EPS15: variants seen among roughly 807,000 people sequenced by gnomAD.
EPS15 encodes the protein epidermal growth factor receptor substrate 15.
Under a neutral mutation model 113.8 loss-of-function variants are expected in EPS15, and 72 were observed. That is an observed-to-expected ratio of 0.63 (90% CI 0.52 to 0.77). The LOEUF (loss-of-function observed/expected upper bound fraction) is 0.77. Among genes scored for constraint, EPS15 ranks in the 30% least tolerant of loss-of-function variants. The probability of loss-of-function intolerance (pLI) is 0.00; values close to 1 mark genes in which losing one functional copy is unlikely to be tolerated. For missense variants in EPS15, 1,048 were observed against 1,045.8 expected, an observed-to-expected ratio of 1.00 and a Z score of -0.03; for synonymous variants, 344 against 363.4, an observed-to-expected ratio of 0.95 and a Z score of 0.61.
rs373519784 is a variant in EPS15, at chr1:51,439,414, T to C, written c.1040+933A>G. The stretch of plus-strand genomic sequence containing the variant: ...AGGCAGTTAACTCATTTAATCTCCT[T>C]ATATCTCAATACTGTCAGTAAAATA... On this transcript the variant is annotated intron_variant, in intron 12 of 24. Transcript: ENST00000371733. 3.9e-5 allele frequency among the ~76,000 whole-genome samples: 6 copies of C among 152,190 alleles called. No homozygotes were observed. In the East Asian group the frequency reaches 1.2e-3, roughly 29 times the overall value.
Position 51,361,885 on chromosome 1 carries a change from T to C in EPS15, c.2360-530A>G, listed in dbSNP as rs564467330. Reference sequence around the variant, plus strand: ...AAATTTTTAAATTACCGTAGTAAAATGCTGCCAATTTTTTGTTATTTACTG... The same window carrying C: ...AAATTTTTAAATTACCGTAGTAAAACGCTGCCAATTTTTTGTTATTTACTG... On this transcript the variant is annotated intron_variant, in intron 23 of 24. Transcript: ENST00000371733. Among the ~76,000 whole-genome samples the C allele has an allele frequency of 1.6e-4, 24 of 152,346 alleles. 1 individual carries two copies. The South Asian group carries it at 4.3e-3, about 28-fold the overall frequency.
Position 51,355,713 on chromosome 1 carries a change from T to TA in EPS15, c.*986dup, listed in dbSNP as rs35602175. 15,798 of 165,332 alleles carry TA rather than the reference T, an allele frequency of 0.096. 1,190 individuals carry two copies. The highest frequency in any genetic ancestry group is 0.25 in the African/African-American group (10,034 of 40,140). The allele number at this position is 165,332 out of a possible 1,614,324, so 10.2% of individuals were successfully genotyped here. ...ACATTTCAAGTAAATGAGCCTTCAT[T>TA]AAAAAAAAAAAAACAAATATATATG... On this transcript the variant is annotated 3_prime_UTR_variant, in exon 25 of 25. Coordinates refer to ENST00000371733, the MANE Select transcript of EPS15 (RefSeq NM_001981.3).
chr1:51,481,123 T>C (rs1433223521), intron 2 of EPS15, 150 bp downstream of exon 2: 3 of 639,556 alleles, frequency 4.7e-6, no homozygotes, highest in Non-Finnish European at 8.4e-6. Context: ...GTCAAATGCA[T>C]TAAGTACTCA....
At chr1:51,490,207 G>C (rs1008296453) in intron 1 of EPS15, 3 of 399,058 alleles carry the variant, frequency 7.5e-6, no homozygotes, top group African/African-American at 6.4e-5. Context: ...GAGAGTACAA[G>C]ATTCTCTAAC....
At chr1:51,434,399 CAGAAGAACCCTG>C (rs1651971107) in intron 12 of EPS15, among the ~76,000 whole-genome samples, 1 of 152,174 alleles carries the variant, frequency 6.6e-6, no homozygotes, top group Admixed American at 6.5e-5. Flanking sequence ...TGCCACAACA[CAGAAGAACCCTG>C]AGGATATTAT....
At position 51,422,127 on chromosome 1, in the gene EPS15, A is replaced by G. The variant is rs545520866; in HGVS notation, c.1041-269T>C. 95 of 968,514 alleles carry G rather than the reference A, an allele frequency of 9.8e-5. No homozygotes were observed. The Middle Eastern group carries it at 1.3e-3, about 13-fold the overall frequency. The allele number at this position is 968,514 out of a possible 1,614,324, so 60.0% of individuals were successfully genotyped here. A position where few individuals can be genotyped will look rare whatever the true frequency, so the allele number is the denominator to read the frequency against. On this transcript the variant is annotated intron_variant, in intron 12 of 24. Coordinates refer to ENST00000371733, the MANE Select transcript of EPS15 (RefSeq NM_001981.3). ...GGAAGAGGAGAAAAATAATCAATGA[A>G]ACACTCAGGTTTCACTGATGTCACT...
chr1:51,380,823 T>C lies in EPS15; in HGVS notation c.2119+13558A>G, dbSNP rs761394176. Among the ~76,000 whole-genome samples the C allele has an allele frequency of 1.2e-4, 18 of 152,062 alleles. No homozygotes were observed. The East Asian group carries it at 1.7e-3, about 15-fold the overall frequency. The stretch of plus-strand genomic sequence containing the variant: ...TTCACTTTAGATCTAAGGACACACA[T>C]AGTTTGAAAGGGAAAAGATGAAAAA... On this transcript the variant is annotated intron_variant, in intron 21 of 24. Coordinates refer to ENST00000371733, the MANE Select transcript of EPS15 (RefSeq NM_001981.3).
intron 21 of EPS15, among the ~76,000 whole-genome samples, chr1:51,387,461 A>G (rs1323044106): frequency 6.6e-6 from 1 of 152,174 alleles, no homozygotes; most frequent in Non-Finnish European, 1.5e-5. Context: ...TCAAATTCAC[A>G]CATAACAATA....
intron 12 of EPS15, among the ~76,000 whole-genome samples, chr1:51,430,523 G>A (rs993429122): frequency 1.3e-5 from 2 of 150,026 alleles, no homozygotes; most frequent in South Asian, 2.1e-4. Flanking sequence ...AGCCAAGATC[G>A]TGTCACTGCA....
chr1:51,403,384 C>T, intron 17 of EPS15, 35 bp downstream of exon 17: 1 of 1,178,236 alleles, frequency 8.5e-7, no homozygotes, highest in East Asian at 2.3e-5. Context: ...TCCACCCTTA[C>T]AAGTCCCCAA....
chr1:51,441,185 C>T (rs989938113), intron 11 of EPS15, among the ~76,000 whole-genome samples: 5 of 152,056 alleles, frequency 3.3e-5, no homozygotes, highest in Admixed American at 1.3e-4. Flanking sequence ...GCCCACTTTA[C>T]AAGTTAAATG....
At chr1:51,410,827 TATG>T (rs1649642985) in intron 13 of EPS15, among the ~76,000 whole-genome samples, 5 of 152,214 alleles carry the variant, frequency 3.3e-5, no homozygotes. Context: ...ATAGCACCAT[TATG>T]ATAATAGCCA....
intron 21 of EPS15, among the ~76,000 whole-genome samples, chr1:51,387,639 T>C (rs1296554945): frequency 2.0e-5 from 3 of 151,498 alleles, no homozygotes; most frequent in Non-Finnish European, 2.9e-5. Flanking sequence ...ACCAAGCAAA[T>C]GGAAAACAAA....
intron 12 of EPS15, among the ~76,000 whole-genome samples, chr1:51,426,770 C>T (rs1029976271): frequency 2.6e-5 from 4 of 151,468 alleles, no homozygotes; most frequent in African/African-American, 4.9e-5. Context: ...CTAGAGATGT[C>T]GGACTTGCCA....
At chr1:51,410,635 G>A (rs752153512) in intron 13 of EPS15, among the ~76,000 whole-genome samples, 5 of 152,154 alleles carry the variant, frequency 3.3e-5, no homozygotes, top group Admixed American at 6.5e-5. Context: ...TAATAACTCC[G>A]AAGTATCTGT....
chr1:51,412,142 G>C (rs933461531), intron 13 of EPS15, among the ~76,000 whole-genome samples: 3 of 152,170 alleles, frequency 2.0e-5, no homozygotes, highest in African/African-American at 7.2e-5. Flanking sequence ...TCACTCATAA[G>C]TGGGAGCTGA....
chr1:51,398,360 T>G (rs1648179041), intron 20 of EPS15, among the ~76,000 whole-genome samples: 1 of 152,158 alleles, frequency 6.6e-6, no homozygotes, highest in Admixed American at 6.5e-5. Context: ...GCCATGAAGA[T>G]TTTTTTAAAG....
Position 51,452,455 on chromosome 1 carries a change from TTA to T in EPS15, c.562-4322_562-4321del, listed in dbSNP as rs1653653672. Among the ~76,000 whole-genome samples the T allele has an allele frequency of 3.3e-5, 5 of 152,176 alleles. No individual in the cohort carries two copies. In the South Asian group the frequency reaches 1.0e-3, roughly 32 times the overall value. On this transcript the variant is annotated intron_variant, in intron 8 of 24. Coordinates refer to ENST00000371733, the MANE Select transcript of EPS15 (RefSeq NM_001981.3). Reference sequence around the variant, plus strand: ...ACGTCACCATGCCTGGCTAATTTTTTTATGTTTTGCAGAGATGGGGGTCTCAC... The same window carrying T: ...ACGTCACCATGCCTGGCTAATTTTTTTGTTTTGCAGAGATGGGGGTCTCAC...
intron 9 of EPS15, 114 bp downstream of exon 9, chr1:51,447,932 T>C: frequency 4.1e-6 from 6 of 1,456,724 alleles, no homozygotes; most frequent in Non-Finnish European, 5.5e-6. Context: ...GATAAATCTA[T>C]ACCTGTCTTA....
Sources: gnomAD v4.1 joint callset for allele counts (sites outside exome capture counted in the v4.1 genomes callset) on GRCh38, gnomAD v4.1.1 for gene constraint, MANE v1.5 for transcripts, NCBI Gene and HGNC (gene_info 2026-07-23, HGNC 2026-07-21) for gene names.